PTPRA: variants seen among roughly 807,000 people sequenced by gnomAD.
PTPRA encodes receptor-type tyrosine-protein phosphatase alpha.
PTPRA carries 25 observed loss-of-function variants against 104.8 expected under a neutral mutation model. The observed-to-expected ratio is 0.24, with a 90% CI of 0.17 to 0.33. The LOEUF (loss-of-function observed/expected upper bound fraction) is 0.33, where lower values mean the gene tolerates loss of function less well. PTPRA is among the 10% of genes least tolerant of loss of function. The pLI, the probability that PTPRA is intolerant of heterozygous loss-of-function variation, is 1.00. For missense variants in PTPRA, 765 were observed against 1,015.3 expected (o/e 0.75, Z 3.35); for synonymous variants, 323 against 368.9 (o/e 0.88, Z 1.43).
At chr20:2,936,061 A>G (rs1025209583) in intron 2 of PTPRA, among the ~76,000 whole-genome samples, 1 of 150,490 alleles carries the variant, frequency 6.6e-6, no homozygotes, top group Admixed American at 6.6e-5. Flanking sequence ...GTCTCACAAT[A>G]TTGACCAGTC....
At position 3,022,942 on chromosome 20, in the gene PTPRA, T is replaced by A; in HGVS notation, c.1464+118T>A. The A allele has an allele frequency of 6.8e-7, 1 of 1,462,296 alleles. No individual in the cohort carries two copies. The highest frequency in any genetic ancestry group is 2.1e-5 in the Admixed American group (1 of 47,290). 90.6% of individuals were successfully genotyped at this position (1,462,296 alleles called of 1,614,324 possible). A position where few individuals can be genotyped will look rare whatever the true frequency, so the allele number is the denominator to read the frequency against. On this transcript the variant is annotated intron_variant, in intron 16 of 23. Coordinates refer to ENST00000399903, the MANE Select transcript of PTPRA (RefSeq NM_001385305.1). The surrounding 1 kb of genome is among the most constrained non-coding windows in gnomAD (Gnocchi z 4.6). ...AAATGATTACTATAGAGTGTGATTGTGGGGGAAAGAAAGATAGATCACACT... is the reference window on the plus strand; with the variant it reads ...AAATGATTACTATAGAGTGTGATTGAGGGGGAAAGAAAGATAGATCACACT...
chr20:2,927,606 A>G (rs1463819459), intron 2 of PTPRA, among the ~76,000 whole-genome samples: 1 of 152,212 alleles, frequency 6.6e-6, no homozygotes, highest in Non-Finnish European at 1.5e-5. Flanking sequence ...TAGGCTGTCT[A>G]CACAGTCATA....
intron 6 of PTPRA, among the ~76,000 whole-genome samples, chr20:2,986,115 C>A (rs1433403082): frequency 6.6e-6 from 1 of 152,046 alleles, no homozygotes; most frequent in Non-Finnish European, 1.5e-5. Context: ...ACCCTGTTGC[C>A]AGGCTGGTCT....
chr20:2,921,738 G>A (rs1600114671), intron 1 of PTPRA, among the ~76,000 whole-genome samples: 1 of 152,092 alleles, frequency 6.6e-6, no homozygotes, highest in Non-Finnish European at 1.5e-5. Flanking sequence ...AAGAAAAGGG[G>A]AACGGAACAT....
At chr20:3,014,599 G>T (rs1188285410) in intron 11 of PTPRA, among the ~76,000 whole-genome samples, 1 of 151,418 alleles carries the variant, frequency 6.6e-6, no homozygotes, top group East Asian at 2.0e-4. Context: ...AGCCAAGATC[G>T]CACCACTGCA....
chr20:2,917,179 A>G (rs2147295206), intron 1 of PTPRA, among the ~76,000 whole-genome samples: 1 of 151,486 alleles, frequency 6.6e-6, no homozygotes, highest in East Asian at 1.9e-4. Context: ...CTGGTCTCGA[A>G]CTCCTGACCC....
intron 6 of PTPRA, among the ~76,000 whole-genome samples, chr20:2,985,972 A>T (rs1415983296): frequency 6.6e-6 from 1 of 151,930 alleles, no homozygotes; most frequent in African/African-American, 2.4e-5. Context: ...TGTAGTGTAC[A>T]GGCCCGGCTC....
intron 3 of PTPRA, among the ~76,000 whole-genome samples, chr20:2,955,891 C>G (rs2061518594): frequency 6.6e-6 from 1 of 152,034 alleles, no homozygotes; most frequent in African/African-American, 2.4e-5. Context: ...TCTTTTTTCC[C>G]CCTACCCCCC....
intron 2 of PTPRA, among the ~76,000 whole-genome samples, chr20:2,928,944 C>G (rs577280149): frequency 6.6e-6 from 1 of 151,870 alleles, no homozygotes; most frequent in South Asian, 2.1e-4. Context: ...ATCCTCCCAC[C>G]TCAGCTTTCC....
intron 2 of PTPRA, among the ~76,000 whole-genome samples, chr20:2,929,543 G>A (rs117313504): frequency 6.6e-6 from 1 of 152,128 alleles, no homozygotes; most frequent in Non-Finnish European, 1.5e-5. Context: ...GGTCTTTAAA[G>A]ACCGGGCATG....
At chr20:3,019,056 G>T (rs1016515609) in intron 13 of PTPRA, among the ~76,000 whole-genome samples, 1 of 141,434 alleles carries the variant, frequency 7.1e-6, no homozygotes, top group Admixed American at 6.8e-5. Context: ...CCCGGACGGG[G>T]CGGCTGGCCG....
chr20:2,912,469 C>G (rs1006558167), intron 1 of PTPRA, among the ~76,000 whole-genome samples: 1 of 151,692 alleles, frequency 6.6e-6, no homozygotes, highest in African/African-American at 2.4e-5. Flanking sequence ...ACAAAAAATA[C>G]AAAAATTAGC....
chr20:2,878,158 G>GA (rs35340507), intron 1 of PTPRA, among the ~76,000 whole-genome samples: 60 of 148,678 alleles, frequency 4.0e-4, no homozygotes, highest in African/African-American at 8.4e-4. Flanking sequence ...TCAAAAAAAA[G>GA]AAAAAAAAAA....
chr20:2,883,052 A>G (rs556229582), intron 1 of PTPRA, among the ~76,000 whole-genome samples: 7 of 144,328 alleles, frequency 4.9e-5, no homozygotes, highest in African/African-American at 1.3e-4. Flanking sequence ...TGGCATGATC[A>G]TGGCTCATTG....
In PTPRA at chr20:2,985,613, C is replaced by G. The variant is rs868174663; in HGVS notation, c.443-1152C>G. Among the ~76,000 whole-genome samples, 3 of 151,942 alleles carry G rather than the reference C, an allele frequency of 2.0e-5. No homozygotes were observed. The South Asian group carries it at 6.2e-4, about 32-fold the overall frequency. ...GGTATTGGGTGAAAGGGAGCCAGGCCCTGTGGAATGAGGTGGGATTGCCAT... is the reference window on the plus strand; with the variant it reads ...GGTATTGGGTGAAAGGGAGCCAGGCGCTGTGGAATGAGGTGGGATTGCCAT... On this transcript the variant is annotated intron_variant, in intron 6 of 23. Coordinates refer to ENST00000399903, the MANE Select transcript of PTPRA (RefSeq NM_001385305.1).
intron 2 of PTPRA, among the ~76,000 whole-genome samples, chr20:2,925,865 C>G (rs953515338): frequency 1.3e-5 from 2 of 151,908 alleles, no homozygotes; most frequent in African/African-American, 4.8e-5. Flanking sequence ...GTACAAACAT[C>G]TGTTCGAGTC....
At chr20:3,018,561 G>C (rs190622322) in intron 13 of PTPRA, among the ~76,000 whole-genome samples, 1 of 151,848 alleles carries the variant, frequency 6.6e-6, no homozygotes, top group East Asian at 1.9e-4. Context: ...AGATCTACAG[G>C]ATCCCAAGGC....
intron 2 of PTPRA, among the ~76,000 whole-genome samples, chr20:2,936,568 C>G (rs2060710295): frequency 6.6e-6 from 1 of 152,028 alleles, no homozygotes; most frequent in African/African-American, 2.4e-5. Context: ...CTCAATCAGC[C>G]CTCCACCTCA....
At chr20:2,963,382 A>C (rs1316897454) in intron 3 of PTPRA, among the ~76,000 whole-genome samples, 1 of 152,042 alleles carries the variant, frequency 6.6e-6, no homozygotes, top group African/African-American at 2.4e-5. Context: ...CTGGGAGGTC[A>C]CCTGGGGTCA....
Sources: allele counts gnomAD v4.1 joint callset (sites outside exome capture counted in the v4.1 genomes callset), GRCh38; gene constraint gnomAD v4.1.1; non-coding constraint Gnocchi (gnomAD v3.1); transcripts MANE v1.5; gene names NCBI Gene and HGNC (gene_info 2026-07-23, HGNC 2026-07-21).